Variants in TBL1X observed in about 807,000 individuals in gnomAD.
The protein encoded by TBL1X is F-box-like/WD repeat-containing protein TBL1X.
In TBL1X, 10 loss-of-function variants were observed where a neutral mutation model predicts 50.7. That is an observed-to-expected ratio of 0.20 (90% CI 0.12 to 0.33). TBL1X has a LOEUF of 0.33. Among genes scored for constraint, TBL1X ranks in the 10% least tolerant of loss-of-function variants. The probability of loss-of-function intolerance (pLI) is 1.00; values close to 1 mark genes in which losing one functional copy is unlikely to be tolerated. For synonymous variants in TBL1X, 190 were observed against 214.7 expected (o/e 0.88, Z 1.01); for missense variants, 340 against 504.4 (o/e 0.67, Z 3.12).
At chrX:9,599,872 C>T (rs908714900) in intron 2 of TBL1X, among the ~76,000 whole-genome samples, 3 of 112,172 alleles carry the variant, frequency 2.7e-5, no homozygotes, top group African/African-American at 9.7e-5. Flanking sequence ...TACCAGGAAA[C>T]TTCTTTTTGG....
chrX:9,594,305 C>A (rs780136312), intron 2 of TBL1X, among the ~76,000 whole-genome samples: 1 of 112,320 alleles, frequency 8.9e-6, no homozygotes, highest in South Asian at 3.7e-4. Flanking sequence ...GTAACTCTCC[C>A]AGTTCTAGAT....
At chrX:9,498,390 G>A (rs187657531) in intron 1 of TBL1X, among the ~76,000 whole-genome samples, 139 of 112,366 alleles carry the variant, frequency 1.2e-3, no homozygotes, top group African/African-American at 4.4e-3. Flanking sequence ...TTAGGCCTGC[G>A]TTTGAGCTTG....
intron 2 of TBL1X, among the ~76,000 whole-genome samples, chrX:9,608,392 C>T (rs767184515): frequency 2.7e-5 from 3 of 111,755 alleles, no homozygotes; most frequent in Admixed American, 1.9e-4. Context: ...TTGTTTATTT[C>T]GGTTTTATGT....
chrX:9,717,291 C>G lies in TBL1X; in HGVS notation c.*1045C>G, dbSNP rs182973648. 13 of 111,915 alleles carry G rather than the reference C, an allele frequency of 1.2e-4. No individual in the cohort carries two copies. Among genetic ancestry groups the G allele is most frequent in the African/African-American group, 3.2e-4 (10 of 30,856 alleles). 9.2% of individuals were successfully genotyped at this position (111,915 alleles called of 1,213,427 possible). A position where few individuals can be genotyped will look rare whatever the true frequency, so the allele number is the denominator to read the frequency against. ...TTTTATGTTAAAACAATTTTAAAAT[C>G]TTAAAATGGCCATCAGACATAGAGA... On this transcript the variant is annotated 3_prime_UTR_variant, in exon 18 of 18. Coordinates refer to ENST00000645353, the MANE Select transcript of TBL1X (RefSeq NM_005647.4).
chrX:9,533,166 CTG>C (rs964896940), intron 2 of TBL1X, among the ~76,000 whole-genome samples: 2 of 111,991 alleles, frequency 1.8e-5, no homozygotes, highest in African/African-American at 6.5e-5. Context: ...TAAACAAAAA[CTG>C]TGAGGGTAAG....
intron 1 of TBL1X, among the ~76,000 whole-genome samples, chrX:9,480,575 C>T (rs1250572101): frequency 2.7e-5 from 3 of 111,240 alleles, no homozygotes; most frequent in Non-Finnish European, 5.7e-5. Context: ...TTTATTTTGT[C>T]CTGTTTGGAA....
At chrX:9,583,165 G>T (rs986193800) in intron 2 of TBL1X, among the ~76,000 whole-genome samples, 1 of 112,494 alleles carries the variant, frequency 8.9e-6, no homozygotes, top group Non-Finnish European at 1.9e-5. Flanking sequence ...TCCTTTTGGA[G>T]GCTCCAAGGG....
intron 2 of TBL1X, among the ~76,000 whole-genome samples, chrX:9,628,626 C>A (rs1455330591): frequency 1.8e-5 from 2 of 108,564 alleles, no homozygotes; most frequent in Non-Finnish European, 3.8e-5. Flanking sequence ...AGCTCACTGG[C>A]AACCTCTGCC....
intron 5 of TBL1X, among the ~76,000 whole-genome samples, chrX:9,658,117 G>C (rs2082875107): frequency 9.0e-6 from 1 of 111,649 alleles, no homozygotes; most frequent in Non-Finnish European, 1.9e-5. Context: ...ATGTGACTTT[G>C]TTCCTCATTC....
intron 2 of TBL1X, among the ~76,000 whole-genome samples, chrX:9,622,062 C>T (rs1193196778): frequency 9.0e-6 from 1 of 110,894 alleles, no homozygotes; most frequent in African/African-American, 3.3e-5. Flanking sequence ...TGCTCATTTT[C>T]ACTCTCATAA....
At chrX:9,566,995 G>T (rs984151271) in intron 2 of TBL1X, among the ~76,000 whole-genome samples, 1 of 111,799 alleles carries the variant, frequency 8.9e-6, no homozygotes, top group Non-Finnish European at 1.9e-5. Flanking sequence ...CTGTTCTTCT[G>T]TTTTACTCTT....
chrX:9,607,810 G>T (rs763863913), intron 2 of TBL1X, among the ~76,000 whole-genome samples: 74 of 108,648 alleles, frequency 6.8e-4, no homozygotes, highest in African/African-American at 1.2e-3. Flanking sequence ...TTTTTAAGTT[G>T]ATTTATTTAT....
intron 2 of TBL1X, among the ~76,000 whole-genome samples, chrX:9,511,378 TG>T (rs201340157): frequency 0.017 from 1,948 of 112,072 alleles, 25 homozygotes; most frequent in Non-Finnish European, 0.029. Flanking sequence ...TCTCCTCAGA[TG>T]TGGCTCCTGC....
At chrX:9,672,827 A>G (rs1219434385) in intron 5 of TBL1X, among the ~76,000 whole-genome samples, 2 of 112,430 alleles carry the variant, frequency 1.8e-5, no homozygotes, top group African/African-American at 6.5e-5. Context: ...AGCTTCCTCT[A>G]TCCTGTGATT....
intron 7 of TBL1X, among the ~76,000 whole-genome samples, chrX:9,691,264 C>T (rs1464623533): frequency 1.8e-5 from 2 of 109,354 alleles, no homozygotes; most frequent in African/African-American, 6.7e-5. Flanking sequence ...GGTGAAACCC[C>T]GCCTCTACTA....
intron 1 of TBL1X, among the ~76,000 whole-genome samples, chrX:9,479,415 C>T (rs893423988): frequency 2.5e-4 from 28 of 112,094 alleles, no homozygotes; most frequent in African/African-American, 9.1e-4. Context: ...CACTGCACTC[C>T]AGTCTGGGCA....
intron 2 of TBL1X, among the ~76,000 whole-genome samples, chrX:9,510,857 C>T (rs746382866): frequency 1.1e-3 from 121 of 111,763 alleles, no homozygotes; most frequent in Middle Eastern, 9.2e-3. Flanking sequence ...GGGTCTCTGG[C>T]CTGCTCTGGA....
intron 1 of TBL1X, among the ~76,000 whole-genome samples, chrX:9,487,158 A>G (rs1228095355): frequency 1.8e-5 from 2 of 111,898 alleles, no homozygotes; most frequent in Non-Finnish European, 3.8e-5. Flanking sequence ...TTTACTGAGC[A>G]TACACACAAC....
rs1157943868 is a variant in TBL1X, at chrX:9,491,338, A to AT, written c.-200-10426dup. On this transcript the variant is annotated intron_variant, in intron 1 of 17. Transcript: ENST00000645353. ...TATATATATATATATATATATATATATTTTTTTTTTTTTTTTCTTTGAGAC... is the reference window on the plus strand; with the variant it reads ...TATATATATATATATATATATATATATTTTTTTTTTTTTTTTTCTTTGAGAC... Among the ~76,000 whole-genome samples, 275 of 31,300 alleles carry AT rather than the reference A, an allele frequency of 8.8e-3. 3 individuals carry two copies. Among genetic ancestry groups the AT allele is most frequent in the Non-Finnish European group, 0.012 (206 of 17,748 alleles). 27.2% of individuals were successfully genotyped at this position (31,300 alleles called of 115,157 possible). A position where few individuals can be genotyped will look rare whatever the true frequency, so the allele number is the denominator to read the frequency against.
Sources: gnomAD v4.1 joint callset for allele counts (sites outside exome capture counted in the v4.1 genomes callset) on GRCh38, gnomAD v4.1.1 for gene constraint, MANE v1.5 for transcripts, NCBI Gene and HGNC (gene_info 2026-07-23, HGNC 2026-07-21) for gene names.